The following NAV3 variants were observed in gnomAD, a reference collection of about 807,000 sequenced individuals.
The protein encoded by NAV3 is pore membrane and/or filament interacting like protein 1.
NAV3 carries 87 observed loss-of-function variants against 244.7 expected under a neutral mutation model. The ratio of observed to expected loss-of-function variants is 0.36; its 90% CI spans 0.30 to 0.42. The LOEUF is 0.42. Ranked by LOEUF, NAV3 falls within the 20% of genes least tolerant of loss-of-function variation. The pLI is 1.00. For synonymous variants in NAV3, 1,126 were observed against 1,042.2 expected, an observed-to-expected ratio of 1.08 and a Z score of -1.55; for missense variants, 2,663 against 2,893.3, an observed-to-expected ratio of 0.92 and a Z score of 1.83.
intron 1 of NAV3, among the ~76,000 whole-genome samples, chr12:77,924,297 G>C (rs866293521): frequency 2.0e-5 from 3 of 152,194 alleles, no homozygotes; most frequent in African/African-American, 7.2e-5. Flanking sequence ...AGAGTAGGAA[G>C]AGATGCATAA....
intron 2 of NAV3, among the ~76,000 whole-genome samples, chr12:77,619,816 G>A (rs1247607373): frequency 6.6e-6 from 1 of 151,822 alleles, no homozygotes; most frequent in East Asian, 1.9e-4. Context: ...AATGACTTTG[G>A]AGTGAAAGTA....
intron 23 of NAV3, among the ~76,000 whole-genome samples, chr12:78,164,402 G>A (rs1195347070): frequency 1.3e-5 from 2 of 151,954 alleles, no homozygotes; most frequent in Non-Finnish European, 2.9e-5. Flanking sequence ...AACAGGAATT[G>A]AAACCTTCAA....
Position 78,066,114 on chromosome 12 carries a change from T to G in NAV3, c.2636+6999T>G, listed in dbSNP as rs563963697. Among the ~76,000 whole-genome samples the G allele has an allele frequency of 2.6e-4, 39 of 152,126 alleles. No individual in the cohort carries two copies. The South Asian group carries it at 8.1e-3, about 32-fold the overall frequency. Reference sequence around the variant, plus strand: ...AAAGAAATCACTAGCAAGTGCCCCTTAGCCTCTCCTGCCATATGAGGTTAC... The same window carrying G: ...AAAGAAATCACTAGCAAGTGCCCCTGAGCCTCTCCTGCCATATGAGGTTAC... On this transcript the variant is annotated intron_variant, in intron 12 of 39. Coordinates refer to ENST00000397909, the MANE Select transcript of NAV3 (RefSeq NM_001024383.2).
chr12:77,873,744 G>GTGTATGTATATATA (rs776225440), intron 1 of NAV3, among the ~76,000 whole-genome samples: 3 of 73,182 alleles, frequency 4.1e-5, no homozygotes, highest in African/African-American at 1.3e-4. Flanking sequence ...ATGTGTGTGT[G>GTGTATGTATATATA]TATATATATA....
At chr12:77,636,271 C>T (rs1170577147) in intron 2 of NAV3, among the ~76,000 whole-genome samples, 1 of 151,966 alleles carries the variant, frequency 6.6e-6, no homozygotes, top group Non-Finnish European at 1.5e-5. Flanking sequence ...TCGAGACCAT[C>T]CTGGCTAACA....
intron 2 of NAV3, among the ~76,000 whole-genome samples, chr12:77,660,459 ACTT>A (rs1230377597): frequency 2.0e-5 from 3 of 152,140 alleles, no homozygotes; most frequent in Non-Finnish European, 2.9e-5. Flanking sequence ...GATTAGACAT[ACTT>A]CTTCATTTTT....
At chr12:78,015,432 A>G (rs1876028221) in intron 8 of NAV3, among the ~76,000 whole-genome samples, 1 of 152,090 alleles carries the variant, frequency 6.6e-6, no homozygotes, top group Non-Finnish European at 1.5e-5. Flanking sequence ...TAGGCATTTT[A>G]CATAATGTTT....
intron 2 of NAV3, among the ~76,000 whole-genome samples, chr12:77,794,890 A>T (rs1180344782): frequency 6.6e-6 from 1 of 152,200 alleles, no homozygotes; most frequent in Non-Finnish European, 1.5e-5. Flanking sequence ...CAGCTCCACC[A>T]ATCGGCCATT....
At chr12:78,186,850 T>C (rs1958743887) in intron 31 of NAV3, among the ~76,000 whole-genome samples, 1 of 151,868 alleles carries the variant, frequency 6.6e-6, no homozygotes, top group Non-Finnish European at 1.5e-5. Context: ...TGGTGAGGGC[T>C]CTCTTTTTGC....
chr12:78,006,458 G>C lies in NAV3; in HGVS notation c.920G>C (p.Gly307Ala), dbSNP rs2136555012. ...KGPQSSSGVN[G>A]NVQPPSTAGQ... Reference sequence around the variant, plus strand: ...CCTCAATCGTCTTCAGGTGTAAATGGTAACGTGCAGCCTCCCAGTACTGCT... The same window carrying C: ...CCTCAATCGTCTTCAGGTGTAAATGCTAACGTGCAGCCTCCCAGTACTGCT... The change falls in exon 8 of 40, where the codon GGT becomes GCT. Residue 307 changes from glycine (G) to alanine (A), a missense_variant. Physicochemically the swap from Gly to Ala is moderately conservative, Grantham distance 60 (BLOSUM62 0). Coordinates refer to ENST00000397909, the MANE Select transcript of NAV3 (RefSeq NM_001024383.2). 1 of 1,614,014 alleles carries C rather than the reference G, an allele frequency of 6.2e-7. No homozygotes were observed. Among genetic ancestry groups the C allele is most frequent in the African/African-American group, 1.3e-5 (1 of 75,002 alleles).
chr12:77,707,415 T>C (rs1276982183), intron 2 of NAV3, among the ~76,000 whole-genome samples: 2 of 152,104 alleles, frequency 1.3e-5, no homozygotes, highest in African/African-American at 4.8e-5. Flanking sequence ...TGCAGAGTAT[T>C]CATTCCATGG....
At chr12:78,093,300 A>G (rs1173861097) in intron 12 of NAV3, among the ~76,000 whole-genome samples, 1 of 152,226 alleles carries the variant, frequency 6.6e-6, no homozygotes, top group Non-Finnish European at 1.5e-5. Context: ...TTACTCATCT[A>G]TCTTTTTCTA....
chr12:77,685,522 C>A (rs1874697088), intron 2 of NAV3, among the ~76,000 whole-genome samples: 1 of 149,142 alleles, frequency 6.7e-6, no homozygotes, highest in Non-Finnish European at 1.5e-5. Flanking sequence ...CACACGCACA[C>A]CATTGGTTTT....
intron 2 of NAV3, among the ~76,000 whole-genome samples, chr12:77,813,655 G>A (rs1463543863): frequency 6.6e-6 from 1 of 151,998 alleles, no homozygotes; most frequent in Non-Finnish European, 1.5e-5. Context: ...AAAATAAAAG[G>A]GCTTAGGGCA....
chr12:77,865,698 C>G (rs1423107597), intron 1 of NAV3, among the ~76,000 whole-genome samples: 1 of 151,918 alleles, frequency 6.6e-6, no homozygotes, highest in Admixed American at 6.6e-5. Flanking sequence ...CTATATAACT[C>G]CCTATAATAT....
At chr12:77,852,770 T>G (rs1877746179) in intron 1 of NAV3, among the ~76,000 whole-genome samples, 1 of 152,170 alleles carries the variant, frequency 6.6e-6, no homozygotes, top group Non-Finnish European at 1.5e-5. Flanking sequence ...AAACAGACAT[T>G]TACAATTGCT....
chr12:77,832,078 G>A (rs1873807322), intron 1 of NAV3, among the ~76,000 whole-genome samples: 2 of 152,068 alleles, frequency 1.3e-5, no homozygotes, highest in African/African-American at 4.8e-5. Flanking sequence ...CTTTCAAAAA[G>A]ACATTTATTT....
intron 3 of NAV3, among the ~76,000 whole-genome samples, chr12:77,951,354 C>G (rs563026073): frequency 6.6e-6 from 1 of 152,186 alleles, no homozygotes; most frequent in East Asian, 1.9e-4. Flanking sequence ...GAAATGCAAA[C>G]CAAAACCGCA....
At chr12:77,865,795 A>ATGTG (rs1260992171) in intron 1 of NAV3, among the ~76,000 whole-genome samples, 1 of 15,460 alleles carries the variant, frequency 6.5e-5, no homozygotes, top group African/African-American at 1.2e-4. Flanking sequence ...ACACGTATAT[A>ATGTG]TGCGTGTGTG....
Sources: allele counts gnomAD v4.1 joint callset (sites outside exome capture counted in the v4.1 genomes callset), GRCh38; gene constraint gnomAD v4.1.1; transcripts MANE v1.5; gene names NCBI Gene and HGNC (gene_info 2026-07-23, HGNC 2026-07-21).